WDR7: variants seen among roughly 807,000 people sequenced by gnomAD.
WDR7 encodes the protein WD repeat domain 7.
Under a neutral mutation model 169.4 loss-of-function variants are expected in WDR7, and 46 were observed. That is an observed-to-expected ratio of 0.27 (90% CI 0.21 to 0.35). The LOEUF is 0.35. Among genes scored for constraint, WDR7 ranks in the 10% least tolerant of loss-of-function variants. The pLI is 1.00. For synonymous variants in WDR7, 612 were observed against 666.8 expected (o/e 0.92, Z 1.27); for missense variants, 1,534 against 1,859.3 (o/e 0.83, Z 3.22).
chr18:56,883,514 T>G (rs1194960265), intron 21 of WDR7, among the ~76,000 whole-genome samples: 1 of 151,972 alleles, frequency 6.6e-6, no homozygotes, highest in East Asian at 1.9e-4. Context: ...TTTGTTTTTT[T>G]TTTTTAAATT....
At chr18:56,780,810 A>C (rs2044308382) in intron 18 of WDR7, among the ~76,000 whole-genome samples, 1 of 152,252 alleles carries the variant, frequency 6.6e-6, no homozygotes, top group South Asian at 2.1e-4. Flanking sequence ...AGAAAAAGTT[A>C]ATAAATTGGT....
intron 19 of WDR7, among the ~76,000 whole-genome samples, chr18:56,798,819 G>A (rs532702358): frequency 6.6e-6 from 1 of 152,208 alleles, no homozygotes; most frequent in South Asian, 2.1e-4. Flanking sequence ...TCTTATACAT[G>A]AGACATTTGT....
intron 25 of WDR7, among the ~76,000 whole-genome samples, chr18:56,954,799 A>T (rs112808563): frequency 0.035 from 5,367 of 152,330 alleles, 324 homozygotes; most frequent in African/African-American, 0.12. Flanking sequence ...GATAAGATTT[A>T]AAAAATTCAA....
At chr18:56,941,327 T>G (rs192212599) in intron 25 of WDR7, among the ~76,000 whole-genome samples, 20 of 152,142 alleles carry the variant, frequency 1.3e-4, no homozygotes, top group African/African-American at 4.3e-4. Context: ...GAAAAATGCC[T>G]TAATAAAAGT....
chr18:56,718,593 T>G (rs1015449321), intron 13 of WDR7, among the ~76,000 whole-genome samples: 3 of 152,194 alleles, frequency 2.0e-5, no homozygotes, highest in Middle Eastern at 3.2e-3. Flanking sequence ...GAGAGAACAT[T>G]TAAAATTTCG....
chr18:56,938,644 G>A lies in WDR7; in HGVS notation c.3943G>A (p.Glu1315Lys). The A allele has an allele frequency of 6.2e-7, 1 of 1,613,618 alleles. No homozygotes were observed. The highest frequency in any genetic ancestry group is 8.5e-7 in the Non-Finnish European group (1 of 1,179,834). Residue 1315 changes from glutamate (E) to lysine (K), a missense_variant, in exon 24 of 28, where the codon GAA becomes AAA. By Grantham distance (56) the Glu-to-Lys change is moderately conservative (BLOSUM62 1). Coordinates refer to ENST00000254442, the MANE Select transcript of WDR7 (RefSeq NM_015285.3). ...TTTGAGAGTCATTGAAATTCTTATTGAAAAGATGCCCACAGATGTTGTGGA... is the reference window on the plus strand; with the variant it reads ...TTTGAGAGTCATTGAAATTCTTATTAAAAAGATGCCCACAGATGTTGTGGA... ...EILRVIEILIEKMPTDVVDLL... is the reference protein window; with the variant it reads ...EILRVIEILIKKMPTDVVDLL...
At chr18:56,781,240 G>A (rs2044314539) in intron 18 of WDR7, among the ~76,000 whole-genome samples, 1 of 152,146 alleles carries the variant, frequency 6.6e-6, no homozygotes, top group African/African-American at 2.4e-5. Flanking sequence ...GGAAAATGCA[G>A]TTTTAAAGTT....
chr18:56,694,502 C>G, intron 9 of WDR7, 117 bp from the exon 10 acceptor site: 1 of 979,760 alleles, frequency 1.0e-6, no homozygotes, highest in Non-Finnish European at 1.5e-6. Context: ...GCTATAAACA[C>G]TTTTTCAACT....
At chr18:56,708,030 CTTTTTTTTT>C (rs752679794) in intron 12 of WDR7, among the ~76,000 whole-genome samples, 3 of 132,816 alleles carry the variant, frequency 2.3e-5, no homozygotes, top group Middle Eastern at 3.6e-3. Flanking sequence ...GTGTTTATTC[CTTTTTTTTT>C]TTTTTTTTTT....
chr18:56,721,016 G>A (rs1467562646), intron 13 of WDR7, among the ~76,000 whole-genome samples: 2 of 151,816 alleles, frequency 1.3e-5, no homozygotes, highest in African/African-American at 2.4e-5. Context: ...TGGAGGTATT[G>A]ACATTATTTA....
chr18:56,805,632 C>T (rs1301497111), intron 19 of WDR7, among the ~76,000 whole-genome samples: 2 of 151,920 alleles, frequency 1.3e-5, no homozygotes, highest in Non-Finnish European at 2.9e-5. Context: ...ATTCTGATGA[C>T]CAGAAAGAGA....
intron 20 of WDR7, among the ~76,000 whole-genome samples, chr18:56,850,017 A>T (rs1244592478): frequency 6.6e-6 from 1 of 152,132 alleles, no homozygotes; most frequent in Non-Finnish European, 1.5e-5. Context: ...TGTTTCATGA[A>T]TGTGGCCTTC....
At chr18:56,844,223 T>C (rs72915293) in intron 20 of WDR7, among the ~76,000 whole-genome samples, 3,298 of 152,192 alleles carry the variant, frequency 0.022, 43 homozygotes, top group Non-Finnish European at 0.03. Context: ...TATATAGGTA[T>C]CTCATTGTGA....
chr18:56,935,960 A>G, intron 23 of WDR7, 55 bp downstream of exon 23: 7 of 1,479,266 alleles, frequency 4.7e-6, no homozygotes, highest in Non-Finnish European at 6.5e-6. Context: ...ATTATTTGAT[A>G]CTATAAGCTG....
chr18:56,891,387 T>G (rs2046261676), intron 21 of WDR7, among the ~76,000 whole-genome samples: 1 of 152,134 alleles, frequency 6.6e-6, no homozygotes, highest in East Asian at 1.9e-4. Context: ...AGGAATAGTA[T>G]ATAACAGTAG....
At chr18:57,030,955 G>C (rs568307445), downstream of WDR7, 1 of 150,802 alleles carries the variant, frequency 6.6e-6, no homozygotes, top group Non-Finnish European at 1.5e-5. Context: ...TCACAATTGT[G>C]TGACCATTGA....
intron 21 of WDR7, among the ~76,000 whole-genome samples, chr18:56,906,216 A>G (rs2046474027): frequency 1.3e-5 from 2 of 152,206 alleles, no homozygotes; most frequent in South Asian, 4.1e-4. Context: ...AACACTTTAA[A>G]TATTGTCATA....
At chr18:56,890,013 T>A (rs1225824186) in intron 21 of WDR7, among the ~76,000 whole-genome samples, 1 of 152,166 alleles carries the variant, frequency 6.6e-6, no homozygotes, top group South Asian at 2.1e-4. Flanking sequence ...TTTATGTGCA[T>A]TTGTGGTTTT....
At chr18:57,020,343 C>G (rs1045237019) in intron 26 of WDR7, among the ~76,000 whole-genome samples, 3 of 152,152 alleles carry the variant, frequency 2.0e-5, no homozygotes, top group Non-Finnish European at 2.9e-5. Context: ...TATAACGCAG[C>G]TTTGATTGTT....
Sources: allele counts gnomAD v4.1 joint callset (sites outside exome capture counted in the v4.1 genomes callset), GRCh38; gene constraint gnomAD v4.1.1; transcripts MANE v1.5; gene names NCBI Gene and HGNC (gene_info 2026-07-23, HGNC 2026-07-21).